The following EDIL3 variants were observed in gnomAD, a reference collection of about 807,000 sequenced individuals.
The protein encoded by EDIL3 is EGF like and discoidin domains 3.
In EDIL3, 37 loss-of-function variants were observed where a neutral mutation model predicts 67.4. The ratio of observed to expected loss-of-function variants is 0.55; its 90% CI spans 0.42 to 0.72. EDIL3 has a LOEUF of 0.72. EDIL3 is among the 30% of genes least tolerant of loss of function. The pLI is 0.00. For missense variants in EDIL3, 527 were observed against 586.3 expected (o/e 0.90, Z 1.04); for synonymous variants, 195 against 196.3 (o/e 0.99, Z 0.05).
chr5:84,261,117 G>T (rs72776579), intron 1 of EDIL3, among the ~76,000 whole-genome samples: 11,504 of 152,174 alleles, frequency 0.076, 585 homozygotes, highest in South Asian at 0.2. Flanking sequence ...TTGTAGAAGC[G>T]AGAGTTTTGA....
chr5:84,170,159 T>C (rs538029793), intron 4 of EDIL3, among the ~76,000 whole-genome samples: 110 of 152,228 alleles, frequency 7.2e-4, no homozygotes, highest in Non-Finnish European at 1.3e-3. Flanking sequence ...TATTGCAAAA[T>C]GGTTTCTTGG....
chr5:84,250,336 G>GAA (rs1445026234), intron 2 of EDIL3, among the ~76,000 whole-genome samples: 2 of 152,138 alleles, frequency 1.3e-5, no homozygotes, highest in African/African-American at 4.8e-5. Context: ...GAGAGAGAGA[G>GAA]AATGAGAATG....
At chr5:84,141,932 T>TATAC (rs1580346687) in intron 4 of EDIL3, among the ~76,000 whole-genome samples, 3 of 97,254 alleles carry the variant, frequency 3.1e-5, no homozygotes, top group South Asian at 3.7e-4. Flanking sequence ...TACACATATA[T>TATAC]ATATATATAT....
At chr5:84,222,569 C>T (rs10056071) in intron 3 of EDIL3, among the ~76,000 whole-genome samples, 47,685 of 151,598 alleles carry the variant, frequency 0.31, 7,703 homozygotes, top group African/African-American at 0.39. Context: ...CACAGCTTTA[C>T]ATTTAAGTAA....
At chr5:84,125,247 C>T (rs1747847541) in intron 5 of EDIL3, among the ~76,000 whole-genome samples, 1 of 151,946 alleles carries the variant, frequency 6.6e-6, no homozygotes, top group Non-Finnish European at 1.5e-5. Flanking sequence ...AAATACCAGA[C>T]AAATGTATGT....
At chr5:83,981,183 A>G (rs1387156659) in intron 9 of EDIL3, among the ~76,000 whole-genome samples, 2 of 152,088 alleles carry the variant, frequency 1.3e-5, no homozygotes, top group African/African-American at 4.8e-5. Context: ...AATAGCCAAA[A>G]CAATCTCAAG....
chr5:84,176,589 A>G (rs1241342808), intron 4 of EDIL3, among the ~76,000 whole-genome samples: 1 of 151,674 alleles, frequency 6.6e-6, no homozygotes, highest in Non-Finnish European at 1.5e-5. Context: ...TACATTTGTT[A>G]CCAGGCAATA....
intron 2 of EDIL3, among the ~76,000 whole-genome samples, chr5:84,238,245 G>A (rs1240564390): frequency 6.6e-6 from 1 of 151,902 alleles, no homozygotes; most frequent in Non-Finnish European, 1.5e-5. Flanking sequence ...ATATCTGTGA[G>A]GTCTTTTAGT....
intron 6 of EDIL3, among the ~76,000 whole-genome samples, chr5:84,094,189 T>C (rs571297178): frequency 2.0e-4 from 30 of 152,212 alleles, no homozygotes; most frequent in Non-Finnish European, 3.7e-4. Context: ...GCTTTTTTAA[T>C]TTAAAAAGAA....
At chr5:84,228,084 T>C (rs573686072) in intron 3 of EDIL3, among the ~76,000 whole-genome samples, 1 of 152,196 alleles carries the variant, frequency 6.6e-6, no homozygotes, top group Admixed American at 6.6e-5. Flanking sequence ...GTGTATTTTA[T>C]ACTTACATTA....
At chr5:83,983,374 T>C (rs1745004850) in intron 9 of EDIL3, among the ~76,000 whole-genome samples, 1 of 152,036 alleles carries the variant, frequency 6.6e-6, no homozygotes, top group South Asian at 2.1e-4. Flanking sequence ...ACGGATGAAA[T>C]GAAAGAGATT....
intron 5 of EDIL3, among the ~76,000 whole-genome samples, chr5:84,132,376 TATATAATATATTTTA>T (rs1561440568): frequency 3.3e-4 from 20 of 61,148 alleles, no homozygotes; most frequent in African/African-American, 1.2e-3. Context: ...ATATATATTA[TATATAATATATTTTA>T]TATATAATAT....
intron 5 of EDIL3, among the ~76,000 whole-genome samples, chr5:84,109,368 T>A (rs1490872708): frequency 6.6e-6 from 1 of 152,084 alleles, no homozygotes. Flanking sequence ...TACCTGGGCA[T>A]GGCAGCATGT....
At chr5:84,027,973 A>C (rs962207070) in intron 9 of EDIL3, among the ~76,000 whole-genome samples, 1 of 152,116 alleles carries the variant, frequency 6.6e-6, no homozygotes, top group African/African-American at 2.4e-5. Flanking sequence ...ACAACACTGA[A>C]TTCACTTAAG....
At chr5:84,238,816 G>A (rs936948627) in intron 2 of EDIL3, among the ~76,000 whole-genome samples, 5 of 151,958 alleles carry the variant, frequency 3.3e-5, no homozygotes, top group East Asian at 1.9e-4. Flanking sequence ...TAATTGGGAT[G>A]TCTTTAAAGA....
At chr5:84,216,451 A>C (rs1744227380) in intron 3 of EDIL3, among the ~76,000 whole-genome samples, 1 of 152,224 alleles carries the variant, frequency 6.6e-6, no homozygotes, top group Non-Finnish European at 1.5e-5. Context: ...AAAATATATG[A>C]CATTTAAAAC....
At chr5:83,952,050 G>T (rs559472356) in intron 10 of EDIL3, among the ~76,000 whole-genome samples, 2 of 151,812 alleles carry the variant, frequency 1.3e-5, no homozygotes, top group South Asian at 4.1e-4. Context: ...TTCATTCTAC[G>T]GACTGTTTTC....
intron 1 of EDIL3, among the ~76,000 whole-genome samples, chr5:84,282,965 G>A (rs774947537): frequency 3.2e-4 from 48 of 151,756 alleles, no homozygotes; most frequent in Non-Finnish European, 4.9e-4. Flanking sequence ...TTTATCATTC[G>A]ATTTGTTCTT....
chr5:84,224,987 C>A (rs1744421251), intron 3 of EDIL3, among the ~76,000 whole-genome samples: 1 of 151,372 alleles, frequency 6.6e-6, no homozygotes, highest in African/African-American at 2.4e-5. Flanking sequence ...AGAAATTTCT[C>A]TATAGTTCAT....
Sources: gnomAD v4.1 joint callset for allele counts (sites outside exome capture counted in the v4.1 genomes callset) on GRCh38, gnomAD v4.1.1 for gene constraint, MANE v1.5 for transcripts, NCBI Gene and HGNC (gene_info 2026-07-23, HGNC 2026-07-21) for gene names.